The following GNAL variants were observed in gnomAD, a reference collection of about 807,000 sequenced individuals.
GNAL encodes the protein guanine nucleotide-binding protein G(olf) subunit alpha.
In GNAL, 18 loss-of-function variants were observed where a neutral mutation model predicts 55.1. The ratio of observed to expected loss-of-function variants is 0.33; its 90% CI spans 0.23 to 0.48. The LOEUF is 0.48. GNAL is among the 20% of genes least tolerant of loss of function. GNAL has a pLI of 0.99. For synonymous variants in GNAL, 253 were observed against 237.0 expected (o/e 1.07, Z -0.62); for missense variants, 412 against 614.1 (o/e 0.67, Z 3.48).
At chr18:11,761,550 C>T (rs1160264186) in intron 4 of GNAL, among the ~76,000 whole-genome samples, 2 of 152,224 alleles carry the variant, frequency 1.3e-5, no homozygotes, top group Non-Finnish European at 2.9e-5. Context: ...TCGGCTTGGC[C>T]TGTGTCCTGG....
chr18:11,871,315 A>G lies in GNAL; in HGVS notation c.1032-953A>G, dbSNP rs576813488. Among the ~76,000 whole-genome samples, 7 of 151,160 alleles carry G rather than the reference A, an allele frequency of 4.6e-5. 1 individual carries two copies. The South Asian group carries it at 1.5e-3, about 32-fold the overall frequency. ...CCCCAGGCTGGAGTGCAGTGGTGCA[A>G]TCTCAGCTCACCACAACCTCCACCT... On this transcript the variant is annotated intron_variant, in intron 9 of 11. Transcript: ENST00000334049.
intron 1 of GNAL, among the ~76,000 whole-genome samples, chr18:11,701,778 G>C (rs10502413): frequency 0.15 from 23,118 of 151,962 alleles, 3,043 homozygotes; most frequent in African/African-American, 0.36. Context: ...AGAAGATGAA[G>C]AAAGTTTGAG....
At chr18:11,783,543 T>C (rs1233729501) in intron 4 of GNAL, among the ~76,000 whole-genome samples, 1 of 152,202 alleles carries the variant, frequency 6.6e-6, no homozygotes, top group Non-Finnish European at 1.5e-5. Flanking sequence ...GAGACTTCTT[T>C]TAATGAATAC....
chr18:11,812,662 G>A (rs2034846788), intron 4 of GNAL, among the ~76,000 whole-genome samples: 1 of 152,018 alleles, frequency 6.6e-6, no homozygotes, highest in Non-Finnish European at 1.5e-5. Context: ...CAGCCAACAT[G>A]GTGAAACCCT....
chr18:11,802,709 C>T (rs1219544914), intron 4 of GNAL, among the ~76,000 whole-genome samples: 1 of 152,114 alleles, frequency 6.6e-6, no homozygotes, highest in Non-Finnish European at 1.5e-5. Context: ...AGAAACAAAC[C>T]AATAAGAAAA....
intron 4 of GNAL, among the ~76,000 whole-genome samples, chr18:11,820,547 G>T (rs1331183474): frequency 6.6e-6 from 1 of 152,176 alleles, no homozygotes; most frequent in Non-Finnish European, 1.5e-5. Context: ...AATAATAAAA[G>T]CAGTGTAAAA....
At position 11,858,522 on chromosome 18, in the gene GNAL, CTCTCT is replaced by C. The variant is rs781425271; in HGVS notation, c.723-3872_723-3868del. On this transcript the variant is annotated intron_variant, in intron 5 of 11. Coordinates refer to ENST00000334049, the MANE Select transcript of GNAL (RefSeq NM_182978.4). ...TGATTTGGGAGACCCCTTTAAAATTCTCTCTATGTATGTAATCACAGAAGCCCCAA... is the reference window on the plus strand; with the variant it reads ...TGATTTGGGAGACCCCTTTAAAATTCATGTATGTAATCACAGAAGCCCCAA... Among the ~76,000 whole-genome samples, 61 of 152,188 alleles carry C rather than the reference CTCTCT, an allele frequency of 4.0e-4. 1 individual carries two copies. Among genetic ancestry groups the C allele is most frequent in the Non-Finnish European group, 7.3e-4 (50 of 68,030 alleles).
At chr18:11,791,508 G>T (rs1279653450) in intron 4 of GNAL, among the ~76,000 whole-genome samples, 2 of 152,076 alleles carry the variant, frequency 1.3e-5, no homozygotes, top group Non-Finnish European at 2.9e-5. Context: ...TTCTCCCCTG[G>T]GTGTTTCTCT....
intron 5 of GNAL, among the ~76,000 whole-genome samples, chr18:11,856,929 CAAAAA>C (rs560549216): frequency 3.8e-3 from 584 of 151,810 alleles, no homozygotes; most frequent in African/African-American, 0.013. Context: ...GAGACTGTCT[CAAAAA>C]AATAAAAATA....
chr18:11,715,960 C>A (rs932649491), intron 1 of GNAL, among the ~76,000 whole-genome samples: 16 of 151,150 alleles, frequency 1.1e-4, no homozygotes, highest in Non-Finnish European at 2.1e-4. Flanking sequence ...CATCTCACAC[C>A]AATCAGAATG....
chr18:11,772,085 A>G (rs962091997), intron 4 of GNAL, among the ~76,000 whole-genome samples: 2 of 152,284 alleles, frequency 1.3e-5, no homozygotes, highest in African/African-American at 4.8e-5. Flanking sequence ...TTTCAAGAGC[A>G]TCTAGCCCTA....
intron 5 of GNAL, among the ~76,000 whole-genome samples, chr18:11,838,500 A>G (rs1414238433): frequency 6.6e-6 from 1 of 152,214 alleles, no homozygotes; most frequent in Non-Finnish European, 1.5e-5. Context: ...TTGAATATAC[A>G]ACAAAAAAGT....
intron 4 of GNAL, among the ~76,000 whole-genome samples, chr18:11,802,834 C>G (rs1477935612): frequency 6.6e-6 from 1 of 152,078 alleles, no homozygotes; most frequent in Non-Finnish European, 1.5e-5. Flanking sequence ...GAGGATGTGG[C>G]ATCTGAGCAG....
chr18:11,880,063 C>A (rs989021296), intron 11 of GNAL, among the ~76,000 whole-genome samples: 1 of 151,056 alleles, frequency 6.6e-6, no homozygotes, highest in Non-Finnish European at 1.5e-5. Flanking sequence ...TCAAGACCAG[C>A]CTGACCAACA....
chr18:11,739,771 T>G (rs896940728), intron 1 of GNAL, among the ~76,000 whole-genome samples: 2 of 152,094 alleles, frequency 1.3e-5, no homozygotes, highest in Non-Finnish European at 2.9e-5. Context: ...AAACCTGTGA[T>G]GCCCACACCT....
chr18:11,803,567 C>A (rs1316540877), intron 4 of GNAL, among the ~76,000 whole-genome samples: 3 of 152,182 alleles, frequency 2.0e-5, no homozygotes, highest in Admixed American at 1.3e-4. Flanking sequence ...TTAAAGAGGA[C>A]AAGTGCAATT....
At chr18:11,757,732 C>T (rs911203748) in intron 4 of GNAL, among the ~76,000 whole-genome samples, 1 of 152,056 alleles carries the variant, frequency 6.6e-6, no homozygotes, top group Non-Finnish European at 1.5e-5. Context: ...ATTACGACAT[C>T]TAAGTGGAGA....
intron 1 of GNAL, among the ~76,000 whole-genome samples, chr18:11,736,247 T>C (rs971288494): frequency 7.6e-4 from 115 of 152,078 alleles, no homozygotes; most frequent in African/African-American, 2.8e-3. Context: ...ATTTAAAAAT[T>C]AGCCATGCAT....
chr18:11,689,902 G>C lies in GNAL; in HGVS notation c.339G>C (p.Lys113Asn). The C allele has an allele frequency of 6.8e-7, 1 of 1,469,370 alleles. No homozygotes were observed. The highest frequency in any genetic ancestry group is 9.0e-7 in the Non-Finnish European group (1 of 1,109,998). 91.0% of individuals were successfully genotyped at this position (1,469,370 alleles called of 1,614,324 possible). Residue 113 changes from lysine to asparagine, a missense_variant, in exon 1 of 12, where the codon AAG becomes AAC. Physicochemically the swap from Lys to Asn is moderately conservative, Grantham distance 94 (BLOSUM62 0). Coordinates refer to ENST00000334049, the MANE Select transcript of GNAL (RefSeq NM_182978.4). Reference sequence around the variant, plus strand: ...TCGACCGCATGCTGCGCGACCAGAAGCGCGACCTGCAGCAGACGCACCGGC... The same window carrying C: ...TCGACCGCATGCTGCGCGACCAGAACCGCGACCTGCAGCAGACGCACCGGC... ...RGIDRMLRDQ[K>N]RDLQQTHRLL...
Sources: allele counts gnomAD v4.1 joint callset (sites outside exome capture counted in the v4.1 genomes callset), GRCh38; gene constraint gnomAD v4.1.1; transcripts MANE v1.5; gene names NCBI Gene and HGNC (gene_info 2026-07-23, HGNC 2026-07-21).